The following CFAP61 variants were observed in gnomAD, a reference collection of about 807,000 sequenced individuals.
The protein encoded by CFAP61 is cilia- and flagella-associated protein 61.
In CFAP61, 107 loss-of-function variants were observed where a neutral mutation model predicts 135.6. The observed-to-expected ratio is 0.79, with a 90% CI of 0.67 to 0.93. The LOEUF is 0.93. CFAP61 is among the 40% of genes least tolerant of loss of function. The pLI is 0.00. For synonymous variants in CFAP61, 575 were observed against 578.5 expected, an observed-to-expected ratio of 0.99 and a Z score of 0.09; for missense variants, 1,507 against 1,556.2, an observed-to-expected ratio of 0.97 and a Z score of 0.53.
intron 17 of CFAP61, among the ~76,000 whole-genome samples, chr20:20,221,496 C>G (rs554602735): frequency 6.6e-6 from 1 of 152,240 alleles, no homozygotes; most frequent in Non-Finnish European, 1.5e-5. Flanking sequence ...AAAAAAAATG[C>G]AGCCAATTAA....
chr20:20,124,501 T>G (rs1310557326), intron 8 of CFAP61, among the ~76,000 whole-genome samples: 2 of 151,930 alleles, frequency 1.3e-5, no homozygotes, highest in Non-Finnish European at 2.9e-5. Flanking sequence ...GATGATTGTT[T>G]GATTTTTGTT....
chr20:20,122,705 G>A (rs985116392), intron 8 of CFAP61, among the ~76,000 whole-genome samples: 6 of 152,096 alleles, frequency 3.9e-5, no homozygotes, highest in East Asian at 1.9e-4. Flanking sequence ...TTGCAATTGC[G>A]AATTGTGCTG....
intron 2 of CFAP61, 86 bp from the exon 3 acceptor site, chr20:20,070,768 C>G: frequency 1.6e-6 from 2 of 1,256,470 alleles, no homozygotes; most frequent in Middle Eastern, 2.4e-4. Flanking sequence ...CTGCTGAGCT[C>G]CAGTAGCCAG....
chr20:20,114,517 A>C (rs972970133), intron 8 of CFAP61, among the ~76,000 whole-genome samples: 1 of 152,120 alleles, frequency 6.6e-6, no homozygotes, highest in African/African-American at 2.4e-5. Flanking sequence ...TTATTCCTAG[A>C]TATTTGATAT....
At chr20:20,176,247 T>C (rs1041398602) in intron 13 of CFAP61, among the ~76,000 whole-genome samples, 2 of 152,188 alleles carry the variant, frequency 1.3e-5, no homozygotes, top group African/African-American at 2.4e-5. Flanking sequence ...AATTTTACAC[T>C]GTTGGTGGGT....
chr20:20,082,241 C>T (rs1357758547), intron 6 of CFAP61, among the ~76,000 whole-genome samples: 1 of 152,184 alleles, frequency 6.6e-6, no homozygotes, highest in Non-Finnish European at 1.5e-5. Flanking sequence ...GAACACAATT[C>T]GTAAGACACT....
chr20:20,260,020 T>C (rs188015935), intron 20 of CFAP61, among the ~76,000 whole-genome samples: 1 of 152,318 alleles, frequency 6.6e-6, no homozygotes, highest in Non-Finnish European at 1.5e-5. Flanking sequence ...AACCAAGCCC[T>C]TATATTAAAG....
chr20:20,110,108 G>A (rs1365761170), intron 8 of CFAP61, among the ~76,000 whole-genome samples: 4 of 151,628 alleles, frequency 2.6e-5, no homozygotes, highest in African/African-American at 4.8e-5. Context: ...GGGTTTCACC[G>A]TGTTGGCCAG....
At chr20:20,182,199 T>C (rs1295013179) in intron 13 of CFAP61, among the ~76,000 whole-genome samples, 1 of 152,234 alleles carries the variant, frequency 6.6e-6, no homozygotes, top group Non-Finnish European at 1.5e-5. Flanking sequence ...GAAATAAAGA[T>C]AGCTGCTTGA....
chr20:20,316,018 C>G (rs1247342183), intron 25 of CFAP61, among the ~76,000 whole-genome samples: 1 of 152,128 alleles, frequency 6.6e-6, no homozygotes, highest in Non-Finnish European at 1.5e-5. Context: ...CTTGGCGATG[C>G]GGGCTCTTTT....
rs772152946 is a variant in CFAP61 at position 20,056,647 on chromosome 20, A to T, written c.-7A>T. On this transcript the variant is annotated 5_prime_UTR_variant, in exon 2 of 27. Coordinates refer to ENST00000245957, the MANE Select transcript of CFAP61 (RefSeq NM_015585.4). ...CTTTTTTCTCTCTTTTGGGGACAGG[A>T]TAAAAAATGTCAGTACTCACTTCTC... is the stretch of plus-strand genomic sequence containing the variant. 1.4e-5 allele frequency: 23 copies of T among 1,613,860 alleles called. No homozygotes were observed. The highest frequency in any genetic ancestry group is 1.9e-5 in the Non-Finnish European group (22 of 1,179,886).
chr20:20,187,886 T>C (rs1364933952), intron 13 of CFAP61, 44 bp from the exon 14 acceptor site: 2 of 1,498,100 alleles, frequency 1.3e-6, no homozygotes, highest in Admixed American at 3.4e-5. Flanking sequence ...GGGGAATACA[T>C]ATTTAGTACT....
intron 13 of CFAP61, among the ~76,000 whole-genome samples, chr20:20,173,972 A>C (rs987726489): frequency 5.9e-5 from 9 of 152,120 alleles, no homozygotes; most frequent in Non-Finnish European, 1.2e-4. Flanking sequence ...TACTTTTCTT[A>C]ATAATAAAAT....
intron 17 of CFAP61, among the ~76,000 whole-genome samples, chr20:20,216,841 C>T (rs1441295249): frequency 6.6e-6 from 1 of 151,496 alleles, no homozygotes; most frequent in African/African-American, 2.4e-5. Context: ...TAAGAATTAG[C>T]GGTAAAGACT....
At chr20:20,149,900 C>T (rs1207946587) in intron 9 of CFAP61, among the ~76,000 whole-genome samples, 1 of 152,158 alleles carries the variant, frequency 6.6e-6, no homozygotes, top group Non-Finnish European at 1.5e-5. Context: ...GCAGGAGTCA[C>T]AGCCAGCAGT....
chr20:20,352,449 A>G (rs2058873904), intron 26 of CFAP61, among the ~76,000 whole-genome samples: 1 of 152,230 alleles, frequency 6.6e-6, no homozygotes, highest in South Asian at 2.1e-4. Flanking sequence ...GGGGACACAG[A>G]GCCAAACCAT....
intron 25 of CFAP61, 36 bp from the exon 26 acceptor site, chr20:20,341,795 G>A: frequency 6.8e-7 from 1 of 1,479,252 alleles, no homozygotes; most frequent in Non-Finnish European, 9.4e-7. Context: ...TAATGAGAGG[G>A]TTGCCAGCTC....
intron 19 of CFAP61, among the ~76,000 whole-genome samples, chr20:20,250,979 T>C (rs1055121443): frequency 4.6e-5 from 7 of 152,354 alleles, no homozygotes; most frequent in African/African-American, 1.7e-4. Flanking sequence ...ACCTCTGCCC[T>C]GAAGGGTGAA....
intron 8 of CFAP61, among the ~76,000 whole-genome samples, chr20:20,106,796 G>A (rs2048439605): frequency 6.6e-6 from 1 of 152,180 alleles, no homozygotes. Flanking sequence ...GTAGATCACA[G>A]TTTGTTGTTG....
Sources: gnomAD v4.1 joint callset for allele counts (sites outside exome capture counted in the v4.1 genomes callset) on GRCh38, gnomAD v4.1.1 for gene constraint, MANE v1.5 for transcripts, NCBI Gene and HGNC (gene_info 2026-07-23, HGNC 2026-07-21) for gene names.